CPQ: variants seen among roughly 807,000 people sequenced by gnomAD.
CPQ encodes the protein carboxypeptidase Q.
A neutral mutation model predicts 45.7 loss-of-function variants in CPQ; 37 were observed. The observed-to-expected ratio is 0.81, with a 90% CI of 0.62 to 1.07. The LOEUF (loss-of-function observed/expected upper bound fraction) is 1.07. Among genes scored for constraint, CPQ ranks in the 50% least tolerant of loss-of-function variants. The pLI, the probability that CPQ is intolerant of heterozygous loss-of-function variation, is 0.00. For synonymous variants in CPQ, 186 were observed against 205.8 expected, an observed-to-expected ratio of 0.90 and a Z score of 0.82; for missense variants, 537 against 572.9, an observed-to-expected ratio of 0.94 and a Z score of 0.64.
chr8:96,855,847 G>T (rs115708648), intron 3 of CPQ, among the ~76,000 whole-genome samples: 2 of 152,218 alleles, frequency 1.3e-5, no homozygotes, highest in Admixed American at 6.5e-5. Context: ...AGATACACCC[G>T]TTAGGGAAGA....
At position 96,718,553 on chromosome 8, in the gene CPQ, C is replaced by T. The variant is rs201206124; in HGVS notation, c.-34-66311C>T. 1.6e-4 allele frequency among the ~76,000 whole-genome samples: 24 copies of T among 152,202 alleles called. No homozygotes were observed. The East Asian group carries it at 4.5e-3, about 28-fold the overall frequency. On this transcript the variant is annotated intron_variant, in intron 1 of 7. Transcript: ENST00000220763. ...ACAGCTCATAAAAGCAGTGTGGACC[C>T]AAAGAGTGAGCAGTGGCAAGATTTA...
chr8:96,928,604 C>A (rs965605482), intron 4 of CPQ, among the ~76,000 whole-genome samples: 1 of 152,042 alleles, frequency 6.6e-6, no homozygotes, highest in African/African-American at 2.4e-5. Context: ...AAGCAGTTTA[C>A]CTCTGTACTC....
chr8:96,703,206 C>T (rs1809490924), intron 1 of CPQ, among the ~76,000 whole-genome samples: 1 of 152,138 alleles, frequency 6.6e-6, no homozygotes, highest in African/African-American at 2.4e-5. Flanking sequence ...TAGAACATAA[C>T]TCCATGAATA....
At chr8:96,869,701 T>G (rs1397271825) in intron 3 of CPQ, among the ~76,000 whole-genome samples, 1 of 152,042 alleles carries the variant, frequency 6.6e-6, no homozygotes, top group Non-Finnish European at 1.5e-5. Context: ...TATGTGGGAA[T>G]TTGTTAGAAA....
At chr8:96,662,829 A>G (rs1586349297) in intron 1 of CPQ, among the ~76,000 whole-genome samples, 1 of 152,158 alleles carries the variant, frequency 6.6e-6, no homozygotes, top group South Asian at 2.1e-4. Flanking sequence ...CTGTACAAAA[A>G]ATATGAGAAT....
chr8:96,863,252 A>G (rs1340369238), intron 3 of CPQ, among the ~76,000 whole-genome samples: 2 of 152,042 alleles, frequency 1.3e-5, no homozygotes, highest in Non-Finnish European at 2.9e-5. Flanking sequence ...TTTGGGATTC[A>G]ATCCAGGTGG....
intron 1 of CPQ, among the ~76,000 whole-genome samples, chr8:96,649,197 G>A (rs1477746339): frequency 6.6e-6 from 1 of 152,136 alleles, no homozygotes; most frequent in Non-Finnish European, 1.5e-5. Flanking sequence ...GGTTGATCTC[G>A]ACCTTCTGGC....
At chr8:96,755,557 G>A (rs1035776243) in intron 1 of CPQ, among the ~76,000 whole-genome samples, 10 of 151,748 alleles carry the variant, frequency 6.6e-5, no homozygotes, top group Non-Finnish European at 1.2e-4. Flanking sequence ...TACTTTGAAA[G>A]TCCTGAGGTT....
intron 4 of CPQ, among the ~76,000 whole-genome samples, chr8:96,909,205 T>G (rs1812623025): frequency 6.6e-6 from 1 of 152,046 alleles, no homozygotes; most frequent in African/African-American, 2.4e-5. Context: ...ATATAAAACT[T>G]TGTTATGGTA....
chr8:97,036,003 G>A (rs1338711326), intron 6 of CPQ, among the ~76,000 whole-genome samples: 6 of 152,134 alleles, frequency 3.9e-5, no homozygotes, highest in African/African-American at 4.8e-5. Flanking sequence ...CACCATGCCC[G>A]GCCGCCTTAA....
Position 96,879,823 on chromosome 8 carries a change from C to T in CPQ, c.667C>T (p.Gln223Ter). ...TCCTCACACAGGTATTCAGGAATAC[C>T]AGGATGGCGTGCCCAAGATTCCAAC... ...YSPHTGIQEYQDGVPKIPTAC... is the reference protein window; with the variant it reads ...YSPHTGIQEY Residue 223 changes from glutamine to a stop codon, truncating the protein, a stop_gained, in exon 4 of 8, where the codon CAG becomes TAG. Coordinates refer to ENST00000220763, the MANE Select transcript of CPQ (RefSeq NM_016134.4). LOFTEE classifies it high-confidence loss of function. 3 of 1,613,914 alleles carry T rather than the reference C, an allele frequency of 1.9e-6. No homozygotes were observed. Among genetic ancestry groups the T allele is most frequent in the South Asian group, 2.2e-5 (2 of 91,070 alleles).
At chr8:96,793,652 T>C (rs1297286668) in intron 2 of CPQ, among the ~76,000 whole-genome samples, 1 of 152,168 alleles carries the variant, frequency 6.6e-6, no homozygotes, top group Non-Finnish European at 1.5e-5. Context: ...TCTTAACTCA[T>C]TTCAGCATTA....
In CPQ at chr8:97,088,256, G is replaced by T. The variant is rs7845321; in HGVS notation, c.1255+22046G>T. ...TGCCAAGCTGGTAGTGGGTAAAAAT[G>T]TAAATGTTCATCTTTGATCAATTGA... On this transcript the variant is annotated intron_variant, in intron 7 of 7. Transcript: ENST00000220763. Among the ~76,000 whole-genome samples the T allele has an allele frequency of 1.6e-3, 240 of 152,296 alleles. 1 individual carries two copies. The highest frequency in any genetic ancestry group is 5.6e-3 in the African/African-American group (234 of 41,558).
intron 5 of CPQ, among the ~76,000 whole-genome samples, chr8:96,984,728 A>G (rs1475953671): frequency 9.9e-5 from 15 of 152,196 alleles, no homozygotes; most frequent in Non-Finnish European, 2.9e-5. Context: ...CAAGTTTTTT[A>G]GATGTGTGAT....
intron 1 of CPQ, among the ~76,000 whole-genome samples, chr8:96,648,860 A>T (rs1815547094): frequency 6.6e-6 from 1 of 152,198 alleles, no homozygotes; most frequent in Non-Finnish European, 1.5e-5. Flanking sequence ...TCTTCAGGAG[A>T]TGGGAGTTCA....
chr8:96,656,183 G>T (rs1815635690), intron 1 of CPQ, among the ~76,000 whole-genome samples: 1 of 152,294 alleles, frequency 6.6e-6, no homozygotes, highest in African/African-American at 2.4e-5. Context: ...GTCTTTACAG[G>T]TATTCTTTGT....
At chr8:96,715,650 T>C (rs778137826) in intron 1 of CPQ, among the ~76,000 whole-genome samples, 3 of 152,186 alleles carry the variant, frequency 2.0e-5, no homozygotes, top group Non-Finnish European at 4.4e-5. Context: ...AGCTGCAGAC[T>C]TTCCCTGTGG....
intron 4 of CPQ, among the ~76,000 whole-genome samples, chr8:96,940,473 T>G (rs912157288): frequency 6.6e-5 from 10 of 152,218 alleles, no homozygotes; most frequent in Non-Finnish European, 1.0e-4. Context: ...TCCTTAGTTT[T>G]GTTCTTTCTT....
chr8:97,024,989 A>C (rs1809772895), intron 5 of CPQ, among the ~76,000 whole-genome samples: 1 of 152,196 alleles, frequency 6.6e-6, no homozygotes, highest in Non-Finnish European at 1.5e-5. Context: ...TTGAAACCGA[A>C]TAGTAAATGG....
Sources: gnomAD v4.1 joint callset for allele counts (sites outside exome capture counted in the v4.1 genomes callset) on GRCh38, gnomAD v4.1.1 for gene constraint, MANE v1.5 for transcripts, NCBI Gene and HGNC (gene_info 2026-07-23, HGNC 2026-07-21) for gene names.